Variants in ARHGAP1 observed in about 807,000 individuals in gnomAD.
ARHGAP1 encodes rho GTPase-activating protein 1.
In ARHGAP1, 23 loss-of-function variants were observed where a neutral mutation model predicts 52.2. That is an observed-to-expected ratio of 0.44 (90% CI 0.32 to 0.62). ARHGAP1 has a LOEUF of 0.62. ARHGAP1 is among the 20% of genes least tolerant of loss of function. The probability of loss-of-function intolerance (pLI) is 0.05; values close to 1 mark genes in which losing one functional copy is unlikely to be tolerated. For missense variants in ARHGAP1, 480 were observed against 560.9 expected, an observed-to-expected ratio of 0.86 and a Z score of 1.46; for synonymous variants, 210 against 228.4, an observed-to-expected ratio of 0.92 and a Z score of 0.73.
At position 46,678,995 on chromosome 11, in the gene ARHGAP1, C is replaced by A. The variant is rs1295791490; in HGVS notation, c.*42G>T. The A allele has an allele frequency of 1.2e-6, 2 of 1,605,032 alleles. No individual in the cohort carries two copies. Among genetic ancestry groups the A allele is most frequent in the South Asian group, 2.2e-5 (2 of 90,342 alleles). ...CTGATGCCAGGAGGAAGAGTCCAAA[C>A]CCGGGCTACCAGAGAAGGGGCTGGT... On this transcript the variant is annotated 3_prime_UTR_variant, in exon 13 of 13. Transcript: ENST00000311956.
In ARHGAP1 at chr11:46,681,262, G is replaced by A. The variant is rs2064525600; in HGVS notation, c.536+31C>T. The A allele has an allele frequency of 1.3e-5, 20 of 1,591,662 alleles. No individual in the cohort carries two copies. The highest frequency in any genetic ancestry group is 3.3e-4 in the Middle Eastern group (2 of 6,042). On this transcript the variant is annotated intron_variant, in intron 6 of 12. Transcript: ENST00000311956. This position sits in a 1 kb window ranked among gnomAD's most constrained non-coding sequence, Gnocchi z 5.7. Reference sequence around the variant, plus strand: ...CCAGCTTCAGAGTTCCAGGCAAGCCGGGACCACCAGCCCTGCCCGTGGCCA... The same window carrying A: ...CCAGCTTCAGAGTTCCAGGCAAGCCAGGACCACCAGCCCTGCCCGTGGCCA...
intron 4 of ARHGAP1, 21 bp downstream of exon 4, chr11:46,688,152 C>T: frequency 6.2e-7 from 1 of 1,608,110 alleles, no homozygotes; most frequent in South Asian, 1.1e-5. Context: ...AGCCCCAACA[C>T]ACTTCCCAGC....
In ARHGAP1 at chr11:46,681,455, T is replaced by G; in HGVS notation, c.450-76A>C. On this transcript the variant is annotated intron_variant, in intron 5 of 12. Coordinates refer to ENST00000311956, the MANE Select transcript of ARHGAP1 (RefSeq NM_004308.5). The surrounding 1 kb of genome is among the most constrained non-coding windows in gnomAD (Gnocchi z 5.7). ...CACGCTAGGGTCCCAGTGCATACTT[T>G]TTTTTTTTGAGACAGAGTCTCCTTC... is the stretch of plus-strand genomic sequence containing the variant. The G allele has an allele frequency of 1.8e-6, 2 of 1,102,672 alleles. No individual in the cohort carries two copies. Among genetic ancestry groups the G allele is most frequent in the Non-Finnish European group, 2.8e-6 (2 of 726,716 alleles). The allele number at this position is 1,102,672 out of a possible 1,614,324, so 68.3% of individuals were successfully genotyped here.
In ARHGAP1 at chr11:46,679,351, G is replaced by A; in HGVS notation, c.1131+14C>T. 1 of 1,613,166 alleles carries A rather than the reference G, an allele frequency of 6.2e-7. No homozygotes were observed. The highest frequency in any genetic ancestry group is 8.5e-7 in the Non-Finnish European group (1 of 1,179,710). On this transcript the variant is annotated intron_variant, in intron 12 of 12. Coordinates refer to ENST00000311956, the MANE Select transcript of ARHGAP1 (RefSeq NM_004308.5). The surrounding 1 kb of genome is among the most constrained non-coding windows in gnomAD (Gnocchi z 4.4). ...CCCCTCCCTTCACCCCAGAGGCCAA[G>A]TCCAAGGTCTCACCTGCACCAGGAA... is the stretch of plus-strand genomic sequence containing the variant.
rs1182738910 is a variant in ARHGAP1, at chr11:46,679,193, G to C, written c.1164C>G (p.Thr388=). 6.2e-7 allele frequency: 1 copy of C among 1,610,862 alleles called. No homozygotes were observed. The stretch of plus-strand genomic sequence containing the variant: ...CGAAAACAACAGCCAGGTTAGTGTT[G>C]GTCATCTTGTTCTGGTCACTGTGTG... ...ISAHSDQNKM[T]NTNLAVVFGP... Residue 388 remains threonine, a synonymous_variant, in exon 13 of 13, where the codon ACC becomes ACG. Transcript: ENST00000311956. This position sits in a 1 kb window ranked among gnomAD's most constrained non-coding sequence, Gnocchi z 4.4.
At position 46,678,721 on chromosome 11, in the gene ARHGAP1, C is replaced by A; in HGVS notation, c.*316G>T. On this transcript the variant is annotated 3_prime_UTR_variant, in exon 13 of 13. Transcript: ENST00000311956. The stretch of plus-strand genomic sequence containing the variant: ...GATTCATCCACACTTGCTAGGGAAA[C>A]AGAGGCAGGAAAAAGCAGGAAAGGG... 3.0e-6 allele frequency: 1 copy of A among 337,210 alleles called. No individual in the cohort carries two copies. The highest frequency in any genetic ancestry group is 3.9e-5 in the South Asian group (1 of 25,518). The allele number at this position is 337,210 out of a possible 1,614,324, so 20.9% of individuals were successfully genotyped here.
intron 3 of ARHGAP1, among the ~76,000 whole-genome samples, chr11:46,694,909 A>G (rs531023760): frequency 2.6e-5 from 4 of 152,272 alleles, no homozygotes; most frequent in South Asian, 4.1e-4. Flanking sequence ...GCCCACGCCA[A>G]TGCCTCAGAG....
Position 46,680,913 on chromosome 11 carries a change from C to G in ARHGAP1, c.635+98G>C. Reference sequence around the variant, plus strand: ...CAAAGACCTGGGAGAGGTCGGGACACGGGCTTGCTCTGCCTAAGCCCCACG... The same window carrying G: ...CAAAGACCTGGGAGAGGTCGGGACAGGGGCTTGCTCTGCCTAAGCCCCACG... On this transcript the variant is annotated intron_variant, in intron 7 of 12. Coordinates refer to ENST00000311956, the MANE Select transcript of ARHGAP1 (RefSeq NM_004308.5). This position sits in a 1 kb window ranked among gnomAD's most constrained non-coding sequence, Gnocchi z 5.9. 8.2e-7 allele frequency: 1 copy of G among 1,212,796 alleles called. No homozygotes were observed. Among genetic ancestry groups the G allele is most frequent in the Non-Finnish European group, 1.2e-6 (1 of 841,542 alleles). 75.1% of individuals were successfully genotyped at this position (1,212,796 alleles called of 1,614,324 possible).
Position 46,695,774 on chromosome 11 carries a change from T to A in ARHGAP1, c.134-19A>T, listed in dbSNP as rs2064647898. 1 of 1,552,824 alleles carries A rather than the reference T, an allele frequency of 6.4e-7. No individual in the cohort carries two copies. On this transcript the variant is annotated intron_variant, in intron 2 of 12. Transcript: ENST00000311956. ...GAGTCATCTGAGGAACACAGCAGGG[T>A]CAGGGGACAAGCCAGGGGGCTGGCA...
In ARHGAP1 at chr11:46,680,961, G is replaced by A. The variant is rs758517608; in HGVS notation, c.635+50C>T. The A allele has an allele frequency of 1.5e-5, 23 of 1,533,582 alleles. No individual in the cohort carries two copies. Among genetic ancestry groups the A allele is most frequent in the Middle Eastern group, 3.8e-4 (2 of 5,200 alleles). The allele number at this position is 1,533,582 out of a possible 1,614,324, so 95.0% of individuals were successfully genotyped here. A position where few individuals can be genotyped will look rare whatever the true frequency, so the allele number is the denominator to read the frequency against. On this transcript the variant is annotated intron_variant, in intron 7 of 12. Transcript: ENST00000311956. The surrounding 1 kb of genome is among the most constrained non-coding windows in gnomAD (Gnocchi z 5.9). ...ACGCGGTCTCTGAATCAGGACACACGTCCTCATTACCCTGGCTTCACGAGC... is the reference window on the plus strand; with the variant it reads ...ACGCGGTCTCTGAATCAGGACACACATCCTCATTACCCTGGCTTCACGAGC...
In ARHGAP1 at chr11:46,680,259, G is replaced by C; in HGVS notation, c.844C>G (p.Arg282Gly). 1 of 1,614,162 alleles carries C rather than the reference G, an allele frequency of 6.2e-7. No individual in the cohort carries two copies. ...AHALTTEGIFRRSANTQVVRE... is the reference protein window; with the variant it reads ...AHALTTEGIFGRSANTQVVRE... ...ACCACTTGGGTGTTGGCCGACCTCC[G>C]GAAGATGCCCTCGGTGGTGAGAGCT... Residue 282 changes from arginine (R) to glycine (G), a missense_variant, in exon 10 of 13, where the codon CGG becomes GGG. Coordinates refer to ENST00000311956, the MANE Select transcript of ARHGAP1 (RefSeq NM_004308.5). The surrounding 1 kb of genome is among the most constrained non-coding windows in gnomAD (Gnocchi z 5.9).
chr11:46,695,601 G>A, intron 3 of ARHGAP1, 59 bp downstream of exon 3: 2 of 1,502,080 alleles, frequency 1.3e-6, no homozygotes, highest in Non-Finnish European at 1.8e-6. Flanking sequence ...GGTGTGAAGG[G>A]CTGACTTCCT....
intron 3 of ARHGAP1, among the ~76,000 whole-genome samples, chr11:46,693,407 C>CT (rs11418068): frequency 0.98 from 143,143 of 145,678 alleles, 70,356 homozygotes; most frequent in East Asian, 1. Context: ...AGACTGTAAT[C>CT]TTTTTTTTTT....
Position 46,681,152 on chromosome 11 carries a change from C to T in ARHGAP1, c.537-43G>A, listed in dbSNP as rs771153099. Reference sequence around the variant, plus strand: ...GGCCTGGGTTGTGGGGGCCCGCTTCCGGTGGCCTCCACTCTCCCCTCAACA... The same window carrying T: ...GGCCTGGGTTGTGGGGGCCCGCTTCTGGTGGCCTCCACTCTCCCCTCAACA... On this transcript the variant is annotated intron_variant, in intron 6 of 12. Coordinates refer to ENST00000311956, the MANE Select transcript of ARHGAP1 (RefSeq NM_004308.5). This position sits in a 1 kb window ranked among gnomAD's most constrained non-coding sequence, Gnocchi z 5.7. 1.8e-5 allele frequency: 29 copies of T among 1,568,962 alleles called. No homozygotes were observed. Among genetic ancestry groups the T allele is most frequent in the East Asian group, 1.3e-4 (6 of 44,672 alleles).
rs551207721 is a variant in ARHGAP1 at position 46,679,187 on chromosome 11, A to G, written c.1170T>C (p.Thr390=). 6.2e-7 allele frequency: 1 copy of G among 1,611,772 alleles called. No individual in the cohort carries two copies. The highest frequency in any genetic ancestry group is 1.3e-5 in the African/African-American group (1 of 75,038). ...TAGGGCCGAAAACAACAGCCAGGTTAGTGTTGGTCATCTTGTTCTGGTCAC... is the reference window on the plus strand; with the variant it reads ...TAGGGCCGAAAACAACAGCCAGGTTGGTGTTGGTCATCTTGTTCTGGTCAC... The part of the protein sequence containing the change: ...AHSDQNKMTN[T]NLAVVFGPNL... The change falls in exon 13 of 13, where the codon ACT becomes ACC. Residue 390 remains threonine, a synonymous_variant. Coordinates refer to ENST00000311956, the MANE Select transcript of ARHGAP1 (RefSeq NM_004308.5). The surrounding 1 kb of genome is among the most constrained non-coding windows in gnomAD (Gnocchi z 4.4).
At chr11:46,697,571 T>G (rs1400642899) in intron 1 of ARHGAP1, 1 of 152,250 alleles carries the variant, frequency 6.6e-6, no homozygotes, top group Non-Finnish European at 1.5e-5. Context: ...GGGCCCTGGA[T>G]GGTGAGCCCT....
intron 1 of ARHGAP1, among the ~76,000 whole-genome samples, chr11:46,699,389 C>T (rs1334216976): frequency 6.6e-6 from 1 of 152,118 alleles, no homozygotes; most frequent in African/African-American, 2.4e-5. Flanking sequence ...GCATGTTCTA[C>T]TAAGCTCATT....
Position 46,678,958 on chromosome 11 carries a change from GCTTCATGGC to G in ARHGAP1, c.*70_*78del. ...TGGCTCCAACATCTCTCTCCAGGGG[GCTTCATGGC>G]CCCTGATGCCAGGAGGAAGAGTCCA... On this transcript the variant is annotated 3_prime_UTR_variant, in exon 13 of 13. Transcript: ENST00000311956. The G allele has an allele frequency of 6.8e-7, 1 of 1,474,760 alleles. No homozygotes were observed. Among genetic ancestry groups the G allele is most frequent in the African/African-American group, 1.4e-5 (1 of 71,966 alleles). The allele number at this position is 1,474,760 out of a possible 1,614,324, so 91.4% of individuals were successfully genotyped here.
chr11:46,695,780 G>A (rs1376189119), intron 2 of ARHGAP1, 25 bp from the exon 3 acceptor site: 3 of 1,552,790 alleles, frequency 1.9e-6, no homozygotes, highest in Non-Finnish European at 2.6e-6. Context: ...AGGGTCAGGG[G>A]ACAAGCCAGG....
Sources: gnomAD v4.1 joint callset for allele counts (sites outside exome capture counted in the v4.1 genomes callset) on GRCh38, gnomAD v4.1.1 for gene constraint, Gnocchi (gnomAD v3.1) non-coding constraint, MANE v1.5 for transcripts, NCBI Gene and HGNC (gene_info 2026-07-23, HGNC 2026-07-21) for gene names.